ABLIM1: variants seen among roughly 807,000 people sequenced by gnomAD.
ABLIM1 encodes the protein actin binding LIM protein 1, also known as actin-binding LIM protein 1.
In ABLIM1, 40 loss-of-function variants were observed where a neutral mutation model predicts 107.0. The observed-to-expected ratio is 0.37, with a 90% CI of 0.29 to 0.49. ABLIM1 has a LOEUF of 0.49. ABLIM1 is among the 20% of genes least tolerant of loss of function. The pLI, the probability that ABLIM1 is intolerant of heterozygous loss-of-function variation, is 0.97. For synonymous variants in ABLIM1, 357 were observed against 357.3 expected (o/e 1.00, Z 0.01); for missense variants, 857 against 1,008.5 (o/e 0.85, Z 2.04).
At chr10:114,509,222 G>T (rs954514537) in intron 6 of ABLIM1, among the ~76,000 whole-genome samples, 1 of 152,194 alleles carries the variant, frequency 6.6e-6, no homozygotes, top group African/African-American at 2.4e-5. Context: ...TCAAGTGCTG[G>T]TGAGGAAGCA....
intron 1 of ABLIM1, chr10:114,764,733 G>A (rs1264585725): frequency 6.6e-6 from 1 of 152,208 alleles, no homozygotes; most frequent in Non-Finnish European, 1.5e-5. Context: ...GACCTAATCT[G>A]CTAAGCAGTG....
chr10:114,764,181 T>C (rs11196904), intron 1 of ABLIM1, among the ~76,000 whole-genome samples: 80,668 of 151,988 alleles, frequency 0.53, 22,325 homozygotes, highest in South Asian at 0.62. Context: ...AGTGGAAAAA[T>C]ACAACACCAA....
chr10:114,491,012 G>GTGTATATATATATA lies in ABLIM1; in HGVS notation c.982+778_982+779insTATATATATATACA. On this transcript the variant is annotated intron_variant, in intron 7 of 22. Coordinates refer to ENST00000533213, the MANE Select transcript of ABLIM1 (RefSeq NM_002313.7). ...TGTGTGTGTGTGTGTGTGTGTGTGT[G>GTGTATATATATATA]TATATATATATATGGTCTATTTTAT... Among the ~76,000 whole-genome samples the GTGTATATATATATA allele has an allele frequency of 5.8e-3, 538 of 92,334 alleles. 5 individuals are homozygous for GTGTATATATATATA. The highest frequency in any genetic ancestry group is 8.7e-3 in the Non-Finnish European group (441 of 50,796). The allele number at this position is 92,334 out of a possible 152,430, so 60.6% of individuals were successfully genotyped here. A position where few individuals can be genotyped will look rare whatever the true frequency, so the allele number is the denominator to read the frequency against.
chr10:114,631,768 T>C, intron 1 of ABLIM1: 1 of 939,652 alleles, frequency 1.1e-6, no homozygotes, highest in Non-Finnish European at 1.4e-6. Flanking sequence ...AACCCAGACT[T>C]CACAATACGG....
At chr10:114,700,060 A>C (rs867682084) in intron 1 of ABLIM1, among the ~76,000 whole-genome samples, 2 of 152,236 alleles carry the variant, frequency 1.3e-5, no homozygotes, top group South Asian at 4.2e-4. Flanking sequence ...CAGCCTCCCA[A>C]GTTGCTGGGA....
chr10:114,798,789 A>AT, the ABLIM1 span, among the ~76,000 whole-genome samples: 10 of 151,502 alleles, frequency 6.6e-5, no homozygotes, highest in African/African-American at 9.7e-5. Context: ...GTATATATGT[A>AT]TTTTTTTTAA....
chr10:114,726,041 C>G (rs1383315127), intron 1 of ABLIM1, among the ~76,000 whole-genome samples: 1 of 151,984 alleles, frequency 6.6e-6, no homozygotes, highest in Non-Finnish European at 1.5e-5. Flanking sequence ...AGCCACCATG[C>G]CTGGCCTTGT....
At chr10:114,652,271 G>T (rs2079285203) in intron 1 of ABLIM1, among the ~76,000 whole-genome samples, 1 of 152,130 alleles carries the variant, frequency 6.6e-6, no homozygotes, top group African/African-American at 2.4e-5. Context: ...TACCCAAGAC[G>T]CTTCCCCTAG....
chr10:114,516,357 C>A (rs1373855738), intron 6 of ABLIM1, among the ~76,000 whole-genome samples: 1 of 152,088 alleles, frequency 6.6e-6, no homozygotes, highest in East Asian at 1.9e-4. Flanking sequence ...AACCCTGTCT[C>A]TACTAAAAAT....
At chr10:114,500,645 C>T (rs1291758244) in intron 6 of ABLIM1, among the ~76,000 whole-genome samples, 1 of 142,372 alleles carries the variant, frequency 7.0e-6, no homozygotes, top group Admixed American at 7.1e-5. Context: ...CACCACTGCA[C>T]TCCAGCCCAG....
intron 1 of ABLIM1, among the ~76,000 whole-genome samples, chr10:114,606,531 GC>G (rs1292069744): frequency 3.3e-5 from 5 of 152,150 alleles, no homozygotes; most frequent in Non-Finnish European, 7.3e-5. Context: ...ACCGCACCCA[GC>G]CCAGAGTACT....
chr10:114,717,934 AAGGGG>A lies in ABLIM1; in HGVS notation c.-213+50122_-213+50126del, dbSNP rs771674237. On this transcript the variant is annotated intron_variant, in intron 1 of 15. Transcript: ENST00000651092. ...CAAAAGGAGAGGAGAGAAGGGGGGG[AAGGGG>A]AGGGGAGGGGAGGGGGAAAGAGAGA... 5.9e-4 allele frequency among the ~76,000 whole-genome samples: 72 copies of A among 122,268 alleles called. 1 individual carries two copies. Among genetic ancestry groups the A allele is most frequent in the Non-Finnish European group, 9.8e-4 (58 of 59,276 alleles). The allele number at this position is 122,268 out of a possible 152,430, so 80.2% of individuals were successfully genotyped here.
At position 114,435,981 on chromosome 10, in the gene ABLIM1, G is replaced by A. The variant is rs1039404886; in HGVS notation, c.*279C>T. The A allele has an allele frequency of 1.1e-4, 33 of 307,314 alleles. No homozygotes were observed. The highest frequency in any genetic ancestry group is 1.1e-4 in the African/African-American group (5 of 46,850). The allele number at this position is 307,314 out of a possible 1,614,324, so 19.0% of individuals were successfully genotyped here. ...AGGAAAAGAAAAAGAAGAAAACAAC[G>A]CAGCTCCTGTTGTATACATAAGGTA... On this transcript the variant is annotated 3_prime_UTR_variant, in exon 23 of 23. Coordinates refer to ENST00000533213, the MANE Select transcript of ABLIM1 (RefSeq NM_002313.7).
intron 6 of ABLIM1, among the ~76,000 whole-genome samples, 179 bp from the exon 7 acceptor site, chr10:114,492,057 G>A (rs180774732): frequency 6.6e-6 from 1 of 151,890 alleles, no homozygotes; most frequent in African/African-American, 2.4e-5. Flanking sequence ...CACTGAAATC[G>A]GGAGGGGCTC....
chr10:114,556,943 G>A (rs551876875), intron 4 of ABLIM1, among the ~76,000 whole-genome samples: 30 of 152,264 alleles, frequency 2.0e-4, no homozygotes, highest in South Asian at 6.2e-4. Context: ...AATTTGTTAC[G>A]CTAAGCACTT....
At chr10:114,741,257 G>A (rs12266927) in intron 1 of ABLIM1, among the ~76,000 whole-genome samples, 41 of 88,284 alleles carry the variant, frequency 4.6e-4, no homozygotes, top group African/African-American at 1.6e-3. Flanking sequence ...ATGGAGTTTC[G>A]CTTTGTCGCC....
intron 2 of ABLIM1, among the ~76,000 whole-genome samples, chr10:114,589,189 G>A (rs969706287): frequency 4.0e-5 from 6 of 150,538 alleles, no homozygotes; most frequent in Non-Finnish European, 5.9e-5. Context: ...TGTACGATGC[G>A]TGTGTGTGTC....
At chr10:114,673,546 C>T (rs2080348619) in intron 1 of ABLIM1, among the ~76,000 whole-genome samples, 1 of 152,192 alleles carries the variant, frequency 6.6e-6, no homozygotes, top group South Asian at 2.1e-4. Context: ...ACTCTTCCCT[C>T]TGCAGGCAGT....
intron 1 of ABLIM1, among the ~76,000 whole-genome samples, chr10:114,740,327 G>A (rs757763076): frequency 5.9e-5 from 9 of 151,974 alleles, no homozygotes; most frequent in Non-Finnish European, 1.0e-4. Flanking sequence ...CAAAGCAGGC[G>A]CACTAACACA....
Sources: gnomAD v4.1 joint callset for allele counts (sites outside exome capture counted in the v4.1 genomes callset) on GRCh38, gnomAD v4.1.1 for gene constraint, MANE v1.5 for transcripts, NCBI Gene and HGNC (gene_info 2026-07-23, HGNC 2026-07-21) for gene names.